Variants in SLC35F4 observed in about 807,000 individuals in gnomAD.
SLC35F4 encodes the protein chromosome 14 open reading frame 36.
A neutral mutation model predicts 44.2 loss-of-function variants in SLC35F4; 24 were observed. That is an observed-to-expected ratio of 0.54 (90% CI 0.39 to 0.76). SLC35F4 has a LOEUF of 0.76. Ranked by LOEUF, SLC35F4 falls within the 30% of genes least tolerant of loss-of-function variation. The probability of loss-of-function intolerance (pLI) is 0.00; values close to 1 mark genes in which losing one functional copy is unlikely to be tolerated. For synonymous variants in SLC35F4, 238 were observed against 223.6 expected (o/e 1.06, Z -0.57); for missense variants, 562 against 586.1 (o/e 0.96, Z 0.42).
At chr14:57,792,035 C>T (rs995343085) in intron 1 of SLC35F4, among the ~76,000 whole-genome samples, 1 of 151,904 alleles carries the variant, frequency 6.6e-6, no homozygotes, top group Non-Finnish European at 1.5e-5. Flanking sequence ...ATGGGGGCAG[C>T]AAACCACCAT....
chr14:57,696,573 C>CATTCTACTATAGGATTATAAAT (rs2075389436), intron 1 of SLC35F4, among the ~76,000 whole-genome samples: 1 of 152,180 alleles, frequency 6.6e-6, no homozygotes, highest in Non-Finnish European at 1.5e-5. Context: ...TGGGCATATA[C>CATTCTACTATAGGATTATAAAT]CCAAAGGATT....
rs1239773437 is a variant in SLC35F4 at position 57,919,949 on chromosome 14, C to T, written n.282+61964G>A. Among the ~76,000 whole-genome samples the T allele has an allele frequency of 3.9e-5, 6 of 152,302 alleles. No individual in the cohort carries two copies. In the South Asian group the frequency reaches 1.2e-3, roughly 32 times the overall value. ...GGTCATTCTGTACCTCTATAAACCA[C>T]TTTGCCACCTTTCAGATCCCTTTCA... On this transcript the variant is annotated intron_variant and non_coding_transcript_variant, in intron 1 of 1. Coordinates refer to the SLC35F4 transcript ENST00000556568.
At chr14:57,931,257 G>A (rs1268349633) in intron 1 of SLC35F4, among the ~76,000 whole-genome samples, 2 of 152,122 alleles carry the variant, frequency 1.3e-5, no homozygotes, top group African/African-American at 4.8e-5. Context: ...ACCTGTATCT[G>A]GTTAGATACC....
chr14:57,813,501 A>G (rs1882207655), intron 1 of SLC35F4, among the ~76,000 whole-genome samples: 1 of 152,132 alleles, frequency 6.6e-6, no homozygotes, highest in Non-Finnish European at 1.5e-5. Flanking sequence ...GAGGCAGAAG[A>G]ATTGCTTGAA....
intron 1 of SLC35F4, chr14:57,596,130 TA>T (rs1292166204): frequency 1.3e-5 from 2 of 152,414 alleles, no homozygotes; most frequent in African/African-American, 4.8e-5. Context: ...TATGTCTGTA[TA>T]AAAATATCTC....
intron 1 of SLC35F4, among the ~76,000 whole-genome samples, chr14:57,854,622 C>G (rs1488288754): frequency 6.6e-6 from 1 of 152,206 alleles, no homozygotes; most frequent in Admixed American, 6.5e-5. Flanking sequence ...CCACCTTTCC[C>G]TGCTACCTCT....
chr14:57,687,203 T>C (rs181422081), intron 1 of SLC35F4, among the ~76,000 whole-genome samples: 118 of 152,238 alleles, frequency 7.8e-4, no homozygotes, highest in Admixed American at 2.1e-3. Context: ...CTGTGATACT[T>C]TGTAATGGCA....
At chr14:57,623,974 GAC>G (rs1420072376) in intron 1 of SLC35F4, among the ~76,000 whole-genome samples, 1 of 152,060 alleles carries the variant, frequency 6.6e-6, no homozygotes, top group Non-Finnish European at 1.5e-5. Flanking sequence ...AGGAGATAGA[GAC>G]ACAAAAATCC....
At chr14:57,572,579 A>G (rs2068571278) in intron 4 of SLC35F4, among the ~76,000 whole-genome samples, 1 of 152,226 alleles carries the variant, frequency 6.6e-6, no homozygotes, top group Non-Finnish European at 1.5e-5. Context: ...ATAAAGGAGC[A>G]AGCTGAGTCT....
At chr14:57,642,838 T>C (rs2073312965) in intron 1 of SLC35F4, among the ~76,000 whole-genome samples, 1 of 151,984 alleles carries the variant, frequency 6.6e-6, no homozygotes, top group Non-Finnish European at 1.5e-5. Flanking sequence ...AAAATGTCAA[T>C]TTAAATAAAA....
intron 1 of SLC35F4, 52 bp from the exon 2 acceptor site, chr14:57,594,176 G>A: frequency 6.7e-7 from 1 of 1,496,618 alleles, no homozygotes; most frequent in South Asian, 1.2e-5. Flanking sequence ...CAAATTGGAA[G>A]TAGATTTTAT....
In SLC35F4 at chr14:57,804,892, A is replaced by G. The variant is rs72624721; in HGVS notation, c.103+60831T>C. On this transcript the variant is annotated intron_variant, in intron 1 of 7. Transcript: ENST00000556826. ...CGTCTCACAAAGGTCTAATATCCAG[A>G]GTCTACAAGAGAAATTTAAACAAAT... Among the ~76,000 whole-genome samples the G allele has an allele frequency of 0.015, 2,246 of 152,290 alleles. 279 individuals carry two copies. The East Asian group carries it at 0.33, about 22-fold the overall frequency.
At chr14:57,643,627 A>G (rs2073351722) in intron 1 of SLC35F4, among the ~76,000 whole-genome samples, 1 of 151,900 alleles carries the variant, frequency 6.6e-6, no homozygotes, top group Non-Finnish European at 1.5e-5. Flanking sequence ...AAATTTTATT[A>G]TTGTTATACT....
chr14:57,614,128 G>A lies in SLC35F4; in HGVS notation c.104-20004C>T, dbSNP rs149384920. On this transcript the variant is annotated intron_variant, in intron 1 of 7. Coordinates refer to ENST00000556826, the MANE Select transcript of SLC35F4 (RefSeq NM_001306087.2). The stretch of plus-strand genomic sequence containing the variant: ...AACTGTGGTTTGGCTGCAGATTGGT[G>A]CTAACATCCCATTATTGCTAAAATA... Among the ~76,000 whole-genome samples the A allele has an allele frequency of 1.7e-3, 259 of 152,274 alleles. 1 individual carries two copies. Among genetic ancestry groups the A allele is most frequent in the African/African-American group, 5.4e-3 (224 of 41,556 alleles).
chr14:57,581,263 A>G lies in SLC35F4; in HGVS notation c.758T>C (p.Val253Ala). The change falls in exon 4 of 8, where the codon GTC becomes GCC. Residue 253 changes from valine (V) to alanine (A), a missense_variant. Physicochemically the swap from Val to Ala is moderately conservative, Grantham distance 64 (BLOSUM62 0). Transcript: ENST00000556826. ...SALFCCNKAF[V>A]FLLSWIVLKD... is the part of the protein sequence containing the mutation. ...CAGCACAATCCATGACAGCAAGAAG[A>G]CAAAGGCTTTGTTACAACAGAACAG... is the stretch of plus-strand genomic sequence containing the variant. 6.2e-7 allele frequency: 1 copy of G among 1,609,056 alleles called. No homozygotes were observed. Among genetic ancestry groups the G allele is most frequent in the Non-Finnish European group, 8.5e-7 (1 of 1,178,086 alleles).
intron 1 of SLC35F4, among the ~76,000 whole-genome samples, chr14:57,783,899 A>G (rs1405164655): frequency 1.3e-5 from 2 of 152,214 alleles, no homozygotes; most frequent in Non-Finnish European, 2.9e-5. Flanking sequence ...GAACCCTGAC[A>G]GAGAGAAGAT....
At chr14:57,671,857 C>G (rs1030509243) in intron 1 of SLC35F4, among the ~76,000 whole-genome samples, 9 of 151,950 alleles carry the variant, frequency 5.9e-5, no homozygotes, top group African/African-American at 2.2e-4. Context: ...ATAGTTGACA[C>G]TCTATTAATT....
chr14:57,930,235 G>A lies in SLC35F4; in HGVS notation n.282+51678C>T, dbSNP rs1889670346. Among the ~76,000 whole-genome samples, 3 of 152,320 alleles carry A rather than the reference G, an allele frequency of 2.0e-5. No individual in the cohort carries two copies. In the South Asian group the frequency reaches 6.2e-4, roughly 32 times the overall value. On this transcript the variant is annotated intron_variant and non_coding_transcript_variant, in intron 1 of 1. Coordinates refer to the SLC35F4 transcript ENST00000556568. ...CTTCTTGTTCACAAGAGATCATTGA[G>A]CAAGAAGGAACTGCATCAGTTTCAT...
chr14:57,752,027 C>T (rs567048314), intron 1 of SLC35F4, among the ~76,000 whole-genome samples: 3 of 151,926 alleles, frequency 2.0e-5, no homozygotes, highest in African/African-American at 7.2e-5. Context: ...GGAAAATTGC[C>T]GATTAGACCT....
Sources: allele counts gnomAD v4.1 joint callset (sites outside exome capture counted in the v4.1 genomes callset), GRCh38; gene constraint gnomAD v4.1.1; transcripts MANE v1.5; gene names NCBI Gene and HGNC (gene_info 2026-07-23, HGNC 2026-07-21).